Variants in LRRC4C observed in about 807,000 individuals in gnomAD.
LRRC4C encodes leucine rich repeat containing 4C.
LRRC4C carries 5 observed loss-of-function variants against 33.6 expected under a neutral mutation model. That is an observed-to-expected ratio of 0.15 (90% CI 0.08 to 0.31). The LOEUF is 0.31. Among genes scored for constraint, LRRC4C ranks in the 10% least tolerant of loss-of-function variants. The pLI is 1.00. For missense variants in LRRC4C, 560 were observed against 796.7 expected, an observed-to-expected ratio of 0.70 and a Z score of 3.58; for synonymous variants, 329 against 302.0, an observed-to-expected ratio of 1.09 and a Z score of -0.93.
intron 2 of LRRC4C, among the ~76,000 whole-genome samples, chr11:40,776,274 CTT>C (rs35762891): frequency 1.5e-4 from 23 of 148,686 alleles, no homozygotes; most frequent in South Asian, 8.5e-4. Flanking sequence ...GGATTTTTCT[CTT>C]TTTTTTTTTG....
At chr11:40,650,005 T>G (rs1942695905) in intron 2 of LRRC4C, among the ~76,000 whole-genome samples, 1 of 152,360 alleles carries the variant, frequency 6.6e-6, no homozygotes, top group East Asian at 1.9e-4. Context: ...ATTATTGCTT[T>G]GTTTTGTTTA....
intron 6 of LRRC4C, among the ~76,000 whole-genome samples, chr11:40,121,987 C>T (rs1008679574): frequency 6.6e-6 from 1 of 152,128 alleles, no homozygotes; most frequent in Non-Finnish European, 1.5e-5. Context: ...GTTCCACTGT[C>T]TGTCTTAGCA....
At chr11:41,313,742 A>T (rs966593257) in intron 1 of LRRC4C, among the ~76,000 whole-genome samples, 3 of 152,212 alleles carry the variant, frequency 2.0e-5, no homozygotes, top group Non-Finnish European at 2.9e-5. Context: ...ACAATTTAGA[A>T]AGTGGTATAT....
intron 2 of LRRC4C, among the ~76,000 whole-genome samples, chr11:40,700,468 A>C (rs781754004): frequency 6.6e-6 from 1 of 152,170 alleles, no homozygotes; most frequent in Non-Finnish European, 1.5e-5. Context: ...TTAAATTTAT[A>C]TATCAATCTA....
chr11:41,400,152 C>A (rs1255513226), intron 1 of LRRC4C, among the ~76,000 whole-genome samples: 1 of 151,900 alleles, frequency 6.6e-6, no homozygotes, highest in Non-Finnish European at 1.5e-5. Flanking sequence ...CTTTGGACAG[C>A]TGTTTATATT....
intron 2 of LRRC4C, among the ~76,000 whole-genome samples, chr11:40,682,578 C>T (rs1944745932): frequency 6.6e-6 from 1 of 151,976 alleles, no homozygotes; most frequent in Non-Finnish European, 1.5e-5. Flanking sequence ...GAGTTCGAGA[C>T]CAGCCTGGCC....
At chr11:40,444,344 T>C (rs1951530487) in intron 3 of LRRC4C, among the ~76,000 whole-genome samples, 1 of 150,286 alleles carries the variant, frequency 6.7e-6, no homozygotes, top group Admixed American at 6.6e-5. Flanking sequence ...TTATTTATTT[T>C]ATTTTTTATT....
At chr11:41,095,282 TG>T (rs1218543856) in intron 1 of LRRC4C, among the ~76,000 whole-genome samples, 1 of 152,096 alleles carries the variant, frequency 6.6e-6, no homozygotes, top group Non-Finnish European at 1.5e-5. Flanking sequence ...AAGAACAGCA[TG>T]GGGGAAAATC....
intron 1 of LRRC4C, among the ~76,000 whole-genome samples, chr11:41,048,163 C>A (rs1857919768): frequency 6.6e-6 from 1 of 150,990 alleles, no homozygotes; most frequent in Non-Finnish European, 1.5e-5. Context: ...AATGAATGAG[C>A]ATGTGAATAA....
intron 1 of LRRC4C, among the ~76,000 whole-genome samples, chr11:41,229,122 T>C (rs1397078707): frequency 1.3e-5 from 2 of 152,100 alleles, no homozygotes; most frequent in South Asian, 2.1e-4. Flanking sequence ...TTATGGAAAA[T>C]TTGTGTCTCC....
At chr11:41,081,275 A>G (rs1939548373) in intron 1 of LRRC4C, among the ~76,000 whole-genome samples, 1 of 152,220 alleles carries the variant, frequency 6.6e-6, no homozygotes, top group Non-Finnish European at 1.5e-5. Context: ...CTGAACTTAA[A>G]ACTGCATGAT....
chr11:41,150,845 A>T (rs957105489), intron 1 of LRRC4C, among the ~76,000 whole-genome samples: 1 of 152,090 alleles, frequency 6.6e-6, no homozygotes, highest in East Asian at 1.9e-4. Context: ...TGATTGTATT[A>T]CTTTTTCCTT....
intron 3 of LRRC4C, among the ~76,000 whole-genome samples, chr11:40,591,780 G>C (rs1017872384): frequency 3.9e-5 from 6 of 152,198 alleles, no homozygotes; most frequent in African/African-American, 1.2e-4. Context: ...CTTAATTTGA[G>C]TTATTTCTTG....
At chr11:40,715,743 G>A (rs1193107624) in intron 2 of LRRC4C, among the ~76,000 whole-genome samples, 2 of 152,134 alleles carry the variant, frequency 1.3e-5, no homozygotes, top group Non-Finnish European at 2.9e-5. Context: ...CAAGGTCTAG[G>A]GCTGGGCGTG....
chr11:41,018,364 G>A (rs1306322615), intron 1 of LRRC4C, among the ~76,000 whole-genome samples: 1 of 152,256 alleles, frequency 6.6e-6, no homozygotes, highest in South Asian at 2.1e-4. Context: ...CACAGCTACA[G>A]AAGTGTAGAT....
intron 1 of LRRC4C, among the ~76,000 whole-genome samples, chr11:41,413,347 A>G (rs1954562342): frequency 6.6e-6 from 1 of 152,180 alleles, no homozygotes. Context: ...GGTAATACCA[A>G]TTATGGGAGT....
chr11:41,313,882 C>G (rs539573787), intron 1 of LRRC4C, among the ~76,000 whole-genome samples: 141 of 151,832 alleles, frequency 9.3e-4, no homozygotes, highest in Middle Eastern at 3.4e-3. Flanking sequence ...TTTTTTTTTG[C>G]AATCCCATTA....
intron 4 of LRRC4C, among the ~76,000 whole-genome samples, chr11:40,317,373 T>C (rs1485656895): frequency 6.6e-6 from 1 of 152,052 alleles, no homozygotes; most frequent in Non-Finnish European, 1.5e-5. Flanking sequence ...TCCCTTTGCA[T>C]AATGGGTTAT....
intron 3 of LRRC4C, among the ~76,000 whole-genome samples, chr11:40,472,277 C>T (rs564473031): frequency 6.6e-6 from 1 of 151,610 alleles, no homozygotes; most frequent in Admixed American, 6.6e-5. Context: ...GAGACTCTGT[C>T]TCAAAATAAA....
Sources: gnomAD v4.1 joint callset for allele counts (sites outside exome capture counted in the v4.1 genomes callset) on GRCh38, gnomAD v4.1.1 for gene constraint, MANE v1.5 for transcripts, NCBI Gene and HGNC (gene_info 2026-07-23, HGNC 2026-07-21) for gene names.